FUT8: variants seen among roughly 807,000 people sequenced by gnomAD.
The protein encoded by FUT8 is fucosyltransferase 8.
Under a neutral mutation model 71.3 loss-of-function variants are expected in FUT8, and 29 were observed. That is an observed-to-expected ratio of 0.41 (90% CI 0.30 to 0.55). FUT8 has a LOEUF of 0.55. Among genes scored for constraint, FUT8 ranks in the 20% least tolerant of loss-of-function variants. The pLI, the probability that FUT8 is intolerant of heterozygous loss-of-function variation, is 0.34. For synonymous variants in FUT8, 254 were observed against 239.3 expected (o/e 1.06, Z -0.57); for missense variants, 544 against 702.1 (o/e 0.77, Z 2.55).
chr14:65,559,202 C>T (rs566763330), intron 2 of FUT8, among the ~76,000 whole-genome samples: 5 of 152,114 alleles, frequency 3.3e-5, no homozygotes, highest in African/African-American at 9.6e-5. Context: ...GGTTGTTTAT[C>T]TCAGTTGTCT....
chr14:65,689,542 G>GT (rs1178480195), intron 7 of FUT8, among the ~76,000 whole-genome samples: 13 of 151,782 alleles, frequency 8.6e-5, no homozygotes. Context: ...TTGTTTGTTT[G>GT]TTTTTTTGTT....
intron 7 of FUT8, among the ~76,000 whole-genome samples, chr14:65,694,809 C>T (rs900658645): frequency 4.8e-5 from 7 of 147,318 alleles, no homozygotes; most frequent in Non-Finnish European, 7.4e-5. Context: ...AACCAAACAC[C>T]GCATATTCTC....
intron 1 of FUT8, among the ~76,000 whole-genome samples, chr14:65,443,707 A>G (rs978367594): frequency 7.9e-6 from 1 of 126,974 alleles, no homozygotes; most frequent in Non-Finnish European, 1.7e-5. Flanking sequence ...GCAACAGAGC[A>G]GGACCTCTAA....
In FUT8 at chr14:65,482,445, T is replaced by C. The variant is rs1330832538; in HGVS notation, c.-228+26727T>C. Among the ~76,000 whole-genome samples the C allele has an allele frequency of 3.3e-5, 5 of 152,272 alleles. No homozygotes were observed. In the East Asian group the frequency reaches 7.7e-4, roughly 23 times the overall value. ...TTCCTCTTACATGACAAGAAGAAGC[T>C]GAATGTAATTTTGCTCTATAACCAA... On this transcript the variant is annotated intron_variant, in intron 2 of 10. Coordinates refer to ENST00000673929, the MANE Select transcript of FUT8 (RefSeq NM_001371533.1).
intron 6 of FUT8, among the ~76,000 whole-genome samples, chr14:65,668,325 A>G (rs72716423): frequency 1.2e-4 from 19 of 152,326 alleles, no homozygotes; most frequent in Non-Finnish European, 2.5e-4. Flanking sequence ...TGAAAGGTCT[A>G]ATATCCAGAA....
rs1353096793 is a variant in FUT8, at chr14:65,627,594, A to G, written c.483-1898A>G. On this transcript the variant is annotated intron_variant, in intron 5 of 10. Coordinates refer to ENST00000673929, the MANE Select transcript of FUT8 (RefSeq NM_001371533.1). This position sits in a 1 kb window ranked among gnomAD's most constrained non-coding sequence, Gnocchi z 4.0. Reference sequence around the variant, plus strand: ...TCTGCATGAGCAATGGCCTGCCAGCACTTGGGAGGGATCGCATATGCAGTG... The same window carrying G: ...TCTGCATGAGCAATGGCCTGCCAGCGCTTGGGAGGGATCGCATATGCAGTG... Among the ~76,000 whole-genome samples, 1 of 152,192 alleles carries G rather than the reference A, an allele frequency of 6.6e-6. No individual in the cohort carries two copies. Among genetic ancestry groups the G allele is most frequent in the Non-Finnish European group, 1.5e-5 (1 of 68,036 alleles).
In FUT8 at chr14:65,706,536, T is replaced by G. The variant is rs1029272648; in HGVS notation, c.836-15239T>G. Among the ~76,000 whole-genome samples, 19 of 152,100 alleles carry G rather than the reference T, an allele frequency of 1.2e-4. No individual in the cohort carries two copies. The South Asian group carries it at 3.9e-3, about 32-fold the overall frequency. On this transcript the variant is annotated intron_variant, in intron 7 of 10. Coordinates refer to ENST00000673929, the MANE Select transcript of FUT8 (RefSeq NM_001371533.1). ...GCTGCTATAACAAAATACTATAAACTGGGTGGCCTATAAACAACAGCAATT... is the reference window on the plus strand; with the variant it reads ...GCTGCTATAACAAAATACTATAAACGGGGTGGCCTATAAACAACAGCAATT...
At chr14:65,450,253 G>A (rs905562259) in intron 1 of FUT8, among the ~76,000 whole-genome samples, 1 of 152,016 alleles carries the variant, frequency 6.6e-6, no homozygotes, top group Non-Finnish European at 1.5e-5. Flanking sequence ...CAATATTACA[G>A]ATTGAAAATA....
At chr14:65,736,301 G>A (rs373638646) in intron 10 of FUT8, among the ~76,000 whole-genome samples, 6 of 151,802 alleles carry the variant, frequency 4.0e-5, no homozygotes. Context: ...GAATATCTCT[G>A]CCTGTTAGAG....
intron 3 of FUT8, among the ~76,000 whole-genome samples, chr14:65,597,621 TA>T (rs5809284): frequency 0.63 from 89,823 of 143,190 alleles, 27,732 homozygotes; most frequent in East Asian, 0.84. Context: ...AGACTCTGTC[TA>T]AAAAAAAAAA....
At chr14:65,718,458 C>T (rs181357848) in intron 7 of FUT8, among the ~76,000 whole-genome samples, 76 of 152,214 alleles carry the variant, frequency 5.0e-4, no homozygotes, top group African/African-American at 1.6e-3. Flanking sequence ...TATTTTTGAT[C>T]GGTTCATCTT....
chr14:65,522,072 G>A (rs1390500171), intron 2 of FUT8, among the ~76,000 whole-genome samples: 1 of 152,068 alleles, frequency 6.6e-6, no homozygotes, highest in East Asian at 1.9e-4. Context: ...TCCATTGATG[G>A]GGTGATCCTT....
intron 2 of FUT8, among the ~76,000 whole-genome samples, chr14:65,516,070 G>C (rs976631046): frequency 6.6e-6 from 1 of 152,058 alleles, no homozygotes; most frequent in South Asian, 2.1e-4. Flanking sequence ...AGGCTGAGGT[G>C]GGAGGATCCC....
At chr14:65,421,245 TTCATTAA>T (rs2065290080) in intron 1 of FUT8, among the ~76,000 whole-genome samples, 1 of 151,372 alleles carries the variant, frequency 6.6e-6, no homozygotes, top group Non-Finnish European at 1.5e-5. Context: ...ATATTTACTC[TTCATTAA>T]GTGGAAGTGG....
chr14:65,407,828 T>G (rs1240864914), upstream of FUT8, among the ~76,000 whole-genome samples: 4 of 152,168 alleles, frequency 2.6e-5, no homozygotes, highest in Non-Finnish European at 5.9e-5. Flanking sequence ...CCATCGCCAG[T>G]AGGTTGACTT....
intron 2 of FUT8, among the ~76,000 whole-genome samples, chr14:65,559,432 G>A (rs1051450326): frequency 6.6e-6 from 1 of 152,126 alleles, no homozygotes; most frequent in Non-Finnish European, 1.5e-5. Flanking sequence ...TTGGGAGGAT[G>A]TGTGTAGGTT....
In FUT8 at chr14:65,680,924, A is replaced by C. The variant is rs138465528; in HGVS notation, c.835+11444A>C. Among the ~76,000 whole-genome samples, 184 of 152,294 alleles carry C rather than the reference A, an allele frequency of 1.2e-3. No homozygotes were observed. In the East Asian group the frequency reaches 0.024, roughly 20 times the overall value. On this transcript the variant is annotated intron_variant, in intron 7 of 10. Transcript: ENST00000673929. ...AAATGTGCCCTGCACTCCATAATTC[A>C]CTAGTCCACCTACAAATGTATTCCT...
intron 2 of FUT8, among the ~76,000 whole-genome samples, chr14:65,512,529 T>C (rs1401592021): frequency 2.0e-5 from 3 of 152,194 alleles, no homozygotes; most frequent in Admixed American, 6.5e-5. Flanking sequence ...ACCATCATTA[T>C]GTGGTGCATG....
intron 6 of FUT8, among the ~76,000 whole-genome samples, chr14:65,654,895 G>GT (rs1352408473): frequency 6.6e-6 from 1 of 151,156 alleles, no homozygotes; most frequent in Non-Finnish European, 1.5e-5. Flanking sequence ...GCAGAATGGT[G>GT]TTTTTTTGTT....
Sources: gnomAD v4.1 joint callset for allele counts (sites outside exome capture counted in the v4.1 genomes callset) on GRCh38, gnomAD v4.1.1 for gene constraint, Gnocchi (gnomAD v3.1) non-coding constraint, MANE v1.5 for transcripts, NCBI Gene and HGNC (gene_info 2026-07-23, HGNC 2026-07-21) for gene names.